The following NIBAN1 variants were observed in gnomAD, a reference collection of about 807,000 sequenced individuals.
NIBAN1 encodes niban apoptosis regulator 1.
In NIBAN1, 81 loss-of-function variants were observed where a neutral mutation model predicts 75.1. The ratio of observed to expected loss-of-function variants is 1.08; its 90% CI spans 0.90 to 1.30. The LOEUF (loss-of-function observed/expected upper bound fraction) is 1.30. Ranked by LOEUF, NIBAN1 falls within the 50% of genes most tolerant of loss-of-function variation. The probability of loss-of-function intolerance (pLI) is 0.00; values close to 1 mark genes in which losing one functional copy is unlikely to be tolerated. For synonymous variants in NIBAN1, 436 were observed against 424.8 expected, an observed-to-expected ratio of 1.03 and a Z score of -0.32; for missense variants, 1,133 against 1,128.1, an observed-to-expected ratio of 1.00 and a Z score of -0.06.
intron 5 of NIBAN1, among the ~76,000 whole-genome samples, chr1:184,865,227 G>A (rs1266263519): frequency 6.6e-6 from 1 of 152,070 alleles, no homozygotes; most frequent in Non-Finnish European, 1.5e-5. Context: ...ATCAACAGTG[G>A]GCTGGGCAAA....
chr1:184,878,672 C>T (rs1656296949), intron 5 of NIBAN1, among the ~76,000 whole-genome samples: 1 of 152,176 alleles, frequency 6.6e-6, no homozygotes, highest in Non-Finnish European at 1.5e-5. Flanking sequence ...GCAAACATAT[C>T]ATGCAAAGAA....
intron 9 of NIBAN1, among the ~76,000 whole-genome samples, chr1:184,809,329 T>A (rs988162985): frequency 1.1e-4 from 16 of 152,246 alleles, no homozygotes; most frequent in Admixed American, 3.3e-4. Context: ...TGTCTATTTT[T>A]AAAAAATATC....
intron 11 of NIBAN1, 42 bp downstream of exon 11, chr1:184,805,904 G>T: frequency 6.7e-7 from 1 of 1,502,646 alleles, no homozygotes; most frequent in Non-Finnish European, 9.3e-7. Context: ...CAGGGGTCAC[G>T]TTCTCTTTTT....
At chr1:184,828,684 C>A (rs544994345) in intron 6 of NIBAN1, among the ~76,000 whole-genome samples, 5 of 152,328 alleles carry the variant, frequency 3.3e-5, no homozygotes, top group African/African-American at 1.2e-4. Flanking sequence ...CAGCCAACTG[C>A]TCTGAATGTT....
intron 1 of NIBAN1, among the ~76,000 whole-genome samples, chr1:184,966,365 G>A (rs1485400621): frequency 2.0e-5 from 3 of 152,206 alleles, no homozygotes; most frequent in Non-Finnish European, 4.4e-5. Context: ...CATGTAGAAA[G>A]GCCACCTGGA....
chr1:184,803,546 T>G, intron 12 of NIBAN1, 39 bp downstream of exon 12: 2 of 1,517,962 alleles, frequency 1.3e-6, no homozygotes, highest in Non-Finnish European at 1.8e-6. Context: ...ACTTCAGAGG[T>G]AAGAAGAGCA....
At chr1:184,895,296 G>A (rs1216668701) in intron 2 of NIBAN1, among the ~76,000 whole-genome samples, 1 of 152,084 alleles carries the variant, frequency 6.6e-6, no homozygotes, top group African/African-American at 2.4e-5. Flanking sequence ...CTTATGTGCA[G>A]CTTTTCTTAA....
intron 5 of NIBAN1, among the ~76,000 whole-genome samples, chr1:184,858,522 G>A (rs964331858): frequency 3.9e-5 from 6 of 151,920 alleles, no homozygotes; most frequent in African/African-American, 1.4e-4. Context: ...CCATCAGCTT[G>A]TCAAAAAAAA....
chr1:184,927,625 T>A (rs924860430), intron 1 of NIBAN1, among the ~76,000 whole-genome samples: 2 of 152,152 alleles, frequency 1.3e-5, no homozygotes, highest in African/African-American at 4.8e-5. Flanking sequence ...GCACTAGGAC[T>A]CACCCAAGGC....
chr1:184,840,588 T>A (rs1329634964), intron 5 of NIBAN1, among the ~76,000 whole-genome samples: 1 of 152,024 alleles, frequency 6.6e-6, no homozygotes, highest in Non-Finnish European at 1.5e-5. Flanking sequence ...CTAAAGGCAG[T>A]CCATCTCTTG....
chr1:184,864,626 G>A (rs1236998108), intron 5 of NIBAN1, among the ~76,000 whole-genome samples: 1 of 151,462 alleles, frequency 6.6e-6, no homozygotes, highest in African/African-American at 2.4e-5. Context: ...CAAGGTGACT[G>A]TAAAAAAAAA....
chr1:184,968,031 G>T, intron 1 of NIBAN1, among the ~76,000 whole-genome samples: 1 of 53,960 alleles, frequency 1.9e-5, no homozygotes, highest in Non-Finnish European at 4.8e-5. Context: ...GTGAAACCCC[G>T]TCTCTACTAA....
intron 1 of NIBAN1, among the ~76,000 whole-genome samples, chr1:184,911,204 T>A (rs1657233114): frequency 6.6e-6 from 1 of 152,334 alleles, no homozygotes; most frequent in South Asian, 2.1e-4. Context: ...ACTTAATATA[T>A]ATTAAACTCC....
intron 5 of NIBAN1, among the ~76,000 whole-genome samples, chr1:184,859,116 C>T (rs116287597): frequency 0.023 from 3,433 of 151,628 alleles, 63 homozygotes; most frequent in Middle Eastern, 0.037. Flanking sequence ...AAAAGAAAAA[C>T]CCTAACATTT....
rs138754940 is a variant in NIBAN1 at position 184,883,805 on chromosome 1, C to A, written c.601+828G>T. Among the ~76,000 whole-genome samples, 31 of 152,248 alleles carry A rather than the reference C, an allele frequency of 2.0e-4. No homozygotes were observed. In the East Asian group the frequency reaches 6.0e-3, roughly 29 times the overall value. On this transcript the variant is annotated intron_variant, in intron 5 of 13. Transcript: ENST00000367511. ...AAGTTCTCCTGGTGATTCTTATGAGCCCTAAAGTTTTAAGAAACACTGATC... is the reference window on the plus strand; with the variant it reads ...AAGTTCTCCTGGTGATTCTTATGAGACCTAAAGTTTTAAGAAACACTGATC...
chr1:184,955,482 G>A (rs1486746443), intron 1 of NIBAN1, among the ~76,000 whole-genome samples: 2 of 151,920 alleles, frequency 1.3e-5, no homozygotes, highest in African/African-American at 4.8e-5. Flanking sequence ...GGGACTACAG[G>A]TGCGCACCAC....
chr1:184,903,309 A>G (rs772656384), intron 1 of NIBAN1, among the ~76,000 whole-genome samples: 10 of 152,224 alleles, frequency 6.6e-5, no homozygotes, highest in Non-Finnish European at 1.3e-4. Context: ...AGTACAATTC[A>G]CTTGACCCTA....
intron 5 of NIBAN1, among the ~76,000 whole-genome samples, chr1:184,856,133 A>G (rs1197311876): frequency 6.6e-6 from 1 of 152,208 alleles, no homozygotes; most frequent in African/African-American, 2.4e-5. Flanking sequence ...CCACAAGTCT[A>G]GAATGTTCAA....
intron 1 of NIBAN1, among the ~76,000 whole-genome samples, chr1:184,945,556 T>TA (rs1195131618): frequency 1.3e-5 from 2 of 152,268 alleles, no homozygotes; most frequent in Admixed American, 1.3e-4. Context: ...AAGCAATCTT[T>TA]AAAAAAAGAC....
Sources: allele counts gnomAD v4.1 joint callset (sites outside exome capture counted in the v4.1 genomes callset), GRCh38; gene constraint gnomAD v4.1.1; transcripts MANE v1.5; gene names NCBI Gene and HGNC (gene_info 2026-07-23, HGNC 2026-07-21).